CCDC7: variants seen among roughly 807,000 people sequenced by gnomAD.
CCDC7 encodes the protein coiled-coil domain containing 7.
CCDC7 carries 183 observed loss-of-function variants against 196.9 expected under a neutral mutation model. The ratio of observed to expected loss-of-function variants is 0.93; its 90% CI spans 0.82 to 1.05. The LOEUF (loss-of-function observed/expected upper bound fraction) is 1.05, where lower values mean the gene tolerates loss of function less well. Ranked by LOEUF, CCDC7 falls within the 50% of genes least tolerant of loss-of-function variation. CCDC7 has a pLI of 0.00. For missense variants in CCDC7, 1,540 were observed against 1,482.2 expected (o/e 1.04, Z -0.64); for synonymous variants, 525 against 484.6 (o/e 1.08, Z -1.10).
chr10:32,492,126 AAC>A (rs1589144648), intron 9 of CCDC7, 129 bp downstream of exon 10: 1 of 903,504 alleles, frequency 1.1e-6, no homozygotes, highest in Non-Finnish European at 1.5e-6. Context: ...AAATATTGAA[AAC>A]ATAAAGAAGA....
intron 31 of CCDC7, among the ~76,000 whole-genome samples, chr10:32,820,541 C>A (rs1337304634): frequency 1.3e-5 from 2 of 152,234 alleles, no homozygotes; most frequent in South Asian, 2.1e-4. Flanking sequence ...AAGCTGGAGG[C>A]ATCACGCTAC....
intron 16 of CCDC7, among the ~76,000 whole-genome samples, chr10:32,579,090 C>T (rs2058498186): frequency 6.6e-6 from 1 of 152,126 alleles, no homozygotes; most frequent in African/African-American, 2.4e-5. Flanking sequence ...GCATATCTTG[C>T]CAAATCCTCA....
intron 24 of CCDC7, among the ~76,000 whole-genome samples, chr10:32,706,660 T>C (rs1335179444): frequency 6.6e-6 from 1 of 150,614 alleles, no homozygotes; most frequent in African/African-American, 2.4e-5. Flanking sequence ...CCCACAGAAA[T>C]ACAAACTACC....
In CCDC7 at chr10:32,870,856, A is replaced by G. The variant is rs188513053; in HGVS notation, c.4112-5491A>G. On this transcript the variant is annotated intron_variant, in intron 41 of 41. Coordinates refer to ENST00000639629, the Ensembl canonical transcript of CCDC7. ...TTTCCGCATCTATTGAGATTATCAT[A>G]TGGTTTTTGTCTTTTGTTCTGTTTA... Among the ~76,000 whole-genome samples the G allele has an allele frequency of 6.6e-5, 10 of 152,106 alleles. No individual in the cohort carries two copies. The East Asian group carries it at 1.9e-3, about 29-fold the overall frequency.
chr10:32,753,431 C>G (rs559661517), intron 28 of CCDC7, among the ~76,000 whole-genome samples: 1 of 152,068 alleles, frequency 6.6e-6, no homozygotes, highest in South Asian at 2.1e-4. Context: ...AATAAATAAT[C>G]CACAAAGAAT....
intron 18 of CCDC7, among the ~76,000 whole-genome samples, chr10:32,591,889 A>G (rs577510285): frequency 9.2e-4 from 140 of 152,302 alleles, no homozygotes; most frequent in African/African-American, 3.1e-3. Context: ...ACCTCAAGAA[A>G]GCACTTGGTG....
chr10:32,559,631 C>T (rs145164446), intron 13 of CCDC7, among the ~76,000 whole-genome samples: 6,681 of 152,026 alleles, frequency 0.044, 487 homozygotes, highest in African/African-American at 0.15. Context: ...AGAAGGAAAA[C>T]TAACAAACAC....
At chr10:32,687,508 AGTT>A (rs2076595224) in intron 22 of CCDC7, among the ~76,000 whole-genome samples, 1 of 152,152 alleles carries the variant, frequency 6.6e-6, no homozygotes, top group African/African-American at 2.4e-5. Flanking sequence ...ACCCACCCAT[AGTT>A]GTGTTTGGGT....
At chr10:32,677,740 C>T (rs2075249910) in intron 21 of CCDC7, among the ~76,000 whole-genome samples, 2 of 151,778 alleles carry the variant, frequency 1.3e-5, no homozygotes, top group Non-Finnish European at 2.9e-5. Flanking sequence ...ATCTGGAAGT[C>T]CATTTTCCTC....
chr10:32,731,074 A>G (rs1367544990), intron 28 of CCDC7, among the ~76,000 whole-genome samples: 2 of 151,892 alleles, frequency 1.3e-5, no homozygotes, highest in African/African-American at 4.8e-5. Flanking sequence ...GGATTTACCT[A>G]TTTCTTCTTA....
At chr10:32,554,240 C>T (rs966292118) in intron 13 of CCDC7, among the ~76,000 whole-genome samples, 12 of 152,346 alleles carry the variant, frequency 7.9e-5, no homozygotes, top group Admixed American at 3.3e-4. Context: ...CCAAGCTACC[C>T]GCCTTCACAG....
chr10:32,713,660 A>C (rs954119014), intron 25 of CCDC7, among the ~76,000 whole-genome samples: 1 of 152,212 alleles, frequency 6.6e-6, no homozygotes, highest in Non-Finnish European at 1.5e-5. Flanking sequence ...ACCATGGCTC[A>C]CTATCTATTG....
upstream of CCDC7, among the ~76,000 whole-genome samples, chr10:32,448,211 C>G (rs987244282): frequency 6.6e-6 from 1 of 151,992 alleles, no homozygotes; most frequent in African/African-American, 2.4e-5. Context: ...TTCTATTGTT[C>G]ACAACCTAGT....
In CCDC7 at chr10:32,759,766, C is replaced by T. The variant is rs571028911; in HGVS notation, c.2906-19211C>T. Among the ~76,000 whole-genome samples the T allele has an allele frequency of 4.9e-4, 75 of 152,242 alleles. 1 individual carries two copies. The highest frequency in any genetic ancestry group is 2.1e-3 in the East Asian group (11 of 5,172). ...AATGGGATCTAATTAAACTGAAGAG[C>T]TTCTGCACAGCAAAAGAAACTACCA... On this transcript the variant is annotated intron_variant, in intron 28 of 41. Transcript: ENST00000639629.
At chr10:32,818,960 G>A (rs1454820168) in intron 31 of CCDC7, among the ~76,000 whole-genome samples, 3 of 152,026 alleles carry the variant, frequency 2.0e-5, no homozygotes, top group African/African-American at 7.2e-5. Flanking sequence ...AAATAACTAA[G>A]ATCAGAGCAG....
intron 13 of CCDC7, among the ~76,000 whole-genome samples, chr10:32,561,118 A>G (rs535583688): frequency 1.4e-4 from 22 of 152,242 alleles, no homozygotes; most frequent in Non-Finnish European, 2.6e-4. Flanking sequence ...AGAGGTAACT[A>G]TCCTAAATAT....
intron 2 of CCDC7, among the ~76,000 whole-genome samples, chr10:32,455,441 C>T (rs187479408): frequency 4.3e-4 from 66 of 152,018 alleles, no homozygotes; most frequent in African/African-American, 1.4e-3. Context: ...CAGCCACCCA[C>T]GTAGCTGGGA....
At chr10:32,772,960 A>G (rs1012288893) in intron 28 of CCDC7, among the ~76,000 whole-genome samples, 1 of 152,122 alleles carries the variant, frequency 6.6e-6, no homozygotes, top group Non-Finnish European at 1.5e-5. Context: ...CAGGTTCGGC[A>G]TCACTTCTTG....
intron 18 of CCDC7, among the ~76,000 whole-genome samples, chr10:32,595,281 G>T (rs888963158): frequency 7.2e-5 from 11 of 152,138 alleles, no homozygotes; most frequent in African/African-American, 2.4e-4. Flanking sequence ...TCTTGGGAGG[G>T]TATATGTGTC....
Sources: allele counts gnomAD v4.1 joint callset (sites outside exome capture counted in the v4.1 genomes callset), GRCh38; gene constraint gnomAD v4.1.1; transcripts MANE v1.5; gene names NCBI Gene and HGNC (gene_info 2026-07-23, HGNC 2026-07-21).